Variants in PEAK1 observed in about 807,000 individuals in gnomAD.
PEAK1 encodes pseudopodium enriched atypical kinase 1, also known as inactive tyrosine-protein kinase PEAK1.
PEAK1 carries 54 observed loss-of-function variants against 124.7 expected under a neutral mutation model. The ratio of observed to expected loss-of-function variants is 0.43; its 90% CI spans 0.35 to 0.54. The LOEUF (loss-of-function observed/expected upper bound fraction) is 0.54, where lower values mean the gene tolerates loss of function less well. Among genes scored for constraint, PEAK1 ranks in the 20% least tolerant of loss-of-function variants. The pLI, the probability that PEAK1 is intolerant of heterozygous loss-of-function variation, is 0.01. For synonymous variants in PEAK1, 719 were observed against 760.0 expected (o/e 0.95, Z 0.89); for missense variants, 2,046 against 2,134.5 (o/e 0.96, Z 0.82).
chr15:77,419,302 A>G lies in PEAK1; in HGVS notation c.-666+704T>C, dbSNP rs145986165. 49 of 985,388 alleles carry G rather than the reference A, an allele frequency of 5.0e-5. No homozygotes were observed. In the East Asian group the frequency reaches 4.4e-3, roughly 89 times the overall value. The allele number at this position is 985,388 out of a possible 1,614,324, so 61.0% of individuals were successfully genotyped here. On this transcript the variant is annotated intron_variant, in intron 1 of 9. Coordinates refer to ENST00000682557, the MANE Select transcript of PEAK1 (RefSeq NM_001385026.1). ...TCCCAGACGGATGGTGCATGCGACGAGAGGGGAGGGGGCAGACGCGGTTCA... is the reference window on the plus strand; with the variant it reads ...TCCCAGACGGATGGTGCATGCGACGGGAGGGGAGGGGGCAGACGCGGTTCA...
chr15:77,261,710 C>CCCAATCTA (rs1395288732), intron 5 of PEAK1, among the ~76,000 whole-genome samples: 1 of 152,112 alleles, frequency 6.6e-6, no homozygotes, highest in Non-Finnish European at 1.5e-5. Context: ...GGAGAACTTC[C>CCCAATCTA]CCAATCTAGC....
intron 8 of PEAK1, among the ~76,000 whole-genome samples, chr15:77,140,308 T>TAAG (rs71143391): frequency 5.0e-5 from 1 of 19,864 alleles, no homozygotes; most frequent in African/African-American, 1.1e-4. Context: ...AACTAGAGAC[T>TAAG]GTCTTTTATG....
At chr15:77,107,374 C>CAACAT (rs886389530), downstream of PEAK1, 10 of 152,190 alleles carry the variant, frequency 6.6e-5, no homozygotes, top group Admixed American at 5.2e-4. Context: ...TGCTCCTCAG[C>CAACAT]AACATAAACC....
chr15:77,323,743 G>A (rs552505866), intron 2 of PEAK1, among the ~76,000 whole-genome samples: 11,762 of 151,924 alleles, frequency 0.077, 559 homozygotes, highest in Non-Finnish European at 0.1. Context: ...CATCCCCATC[G>A]AGCTACCAAT....
At position 77,120,861 on chromosome 15, in the gene PEAK1, C is replaced by A. The variant is rs117629392; in HGVS notation, c.4078-5542G>T. ...TATCTGCAGCCGGCCACCCACTCTA[C>A]CCTCCAGGTGTTCTCTCAGTTTGGG... On this transcript the variant is annotated intron_variant, in intron 9 of 9. Coordinates refer to ENST00000682557, the MANE Select transcript of PEAK1 (RefSeq NM_001385026.1). Among the ~76,000 whole-genome samples the A allele has an allele frequency of 6.8e-3, 1,031 of 152,242 alleles. 4 individuals are homozygous for A. The highest frequency in any genetic ancestry group is 0.011 in the Non-Finnish European group (715 of 68,018).
rs1216515494 is a variant in PEAK1, at chr15:77,399,724, CT to C, written c.-666+20281del. ...ACTATAAAACTACTACAAGGAAACACTGGGAAAACTCTCCAGGGCATTGGAC... is the reference window on the plus strand; with the variant it reads ...ACTATAAAACTACTACAAGGAAACACGGGAAAACTCTCCAGGGCATTGGAC... On this transcript the variant is annotated intron_variant, in intron 1 of 9. Transcript: ENST00000682557. Among the ~76,000 whole-genome samples the C allele has an allele frequency of 2.2e-4, 33 of 152,256 alleles. No homozygotes were observed. In the East Asian group the frequency reaches 2.3e-3, roughly 11 times the overall value.
intron 1 of PEAK1, chr15:77,402,411 C>A: frequency 1.0e-6 from 1 of 985,322 alleles, no homozygotes; most frequent in Non-Finnish European, 1.2e-6. Context: ...CAACATATCA[C>A]CCATTTATTT....
chr15:77,284,444 T>C (rs1295625759), intron 4 of PEAK1, among the ~76,000 whole-genome samples: 2 of 152,204 alleles, frequency 1.3e-5, no homozygotes, highest in Non-Finnish European at 2.9e-5. Context: ...TTAAGATACT[T>C]GTAGAGCACA....
Position 77,109,354 on chromosome 15 carries a change from ACTT to A in PEAK1, c.*4799_*4801del, listed in dbSNP as rs996771106. 15 of 152,254 alleles carry A rather than the reference ACTT, an allele frequency of 9.9e-5. No individual in the cohort carries two copies. Among genetic ancestry groups the A allele is most frequent in the Admixed American group, 2.6e-4 (4 of 15,286 alleles). The allele number at this position is 152,254 out of a possible 1,614,324, so 9.4% of individuals were successfully genotyped here. On this transcript the variant is annotated 3_prime_UTR_variant, in exon 10 of 10. Transcript: ENST00000682557. The stretch of plus-strand genomic sequence containing the variant: ...CATCATCTTCTAATATACAAAATGG[ACTT>A]CTTTTTAAAAAGGTGCTTTTCTGAG...
chr15:77,224,276 CT>C (rs2059530885), intron 6 of PEAK1, among the ~76,000 whole-genome samples: 1 of 151,792 alleles, frequency 6.6e-6, no homozygotes, highest in Middle Eastern at 3.4e-3. Flanking sequence ...ACAAAAAGGG[CT>C]GAAAAAAGGT....
At chr15:77,196,780 T>C (rs1567101418) in intron 6 of PEAK1, among the ~76,000 whole-genome samples, 1 of 152,072 alleles carries the variant, frequency 6.6e-6, no homozygotes, top group Non-Finnish European at 1.5e-5. Flanking sequence ...TAATAGAAAA[T>C]GTGATTTTTT....
intron 6 of PEAK1, chr15:77,205,125 G>T: frequency 3.7e-6 from 1 of 271,270 alleles, no homozygotes; most frequent in Non-Finnish European, 6.9e-6. Flanking sequence ...TCTTATCAGT[G>T]GTCACTATTT....
chr15:77,125,710 C>T (rs531161323), intron 9 of PEAK1, among the ~76,000 whole-genome samples: 2 of 152,326 alleles, frequency 1.3e-5, no homozygotes, highest in African/African-American at 4.8e-5. Flanking sequence ...AAATTCTTAG[C>T]CACTTTGTTA....
intron 7 of PEAK1, chr15:77,178,518 G>C: frequency 2.2e-6 from 1 of 458,704 alleles, no homozygotes; most frequent in South Asian, 5.6e-5. Context: ...AAGGTGTTAT[G>C]GATTTGCTTT....
chr15:77,388,217 A>C (rs2070127588), intron 1 of PEAK1, among the ~76,000 whole-genome samples: 2 of 152,194 alleles, frequency 1.3e-5, no homozygotes, highest in Admixed American at 6.5e-5. Context: ...CAACTTGAAA[A>C]GTATATGCAA....
At position 77,247,622 on chromosome 15, in the gene PEAK1, T is replaced by C. The variant is rs567268792; in HGVS notation, c.-115+4745A>G. Among the ~76,000 whole-genome samples the C allele has an allele frequency of 2.1e-4, 32 of 151,642 alleles. 1 individual carries two copies. The South Asian group carries it at 5.6e-3, about 27-fold the overall frequency. The stretch of plus-strand genomic sequence containing the variant: ...CCCAGAGTAGCTGGGATTACAGGTG[T>C]GTGCCACCGCACCTGGCTAATTTTT... On this transcript the variant is annotated intron_variant, in intron 6 of 9. Transcript: ENST00000682557.
At chr15:77,271,211 C>A (rs2062012374) in intron 5 of PEAK1, among the ~76,000 whole-genome samples, 1 of 152,144 alleles carries the variant, frequency 6.6e-6, no homozygotes, top group Non-Finnish European at 1.5e-5. Context: ...CAGAGAAACG[C>A]AAAACTAAAC....
At chr15:77,253,882 G>A (rs969741695) in intron 5 of PEAK1, among the ~76,000 whole-genome samples, 5 of 152,046 alleles carry the variant, frequency 3.3e-5, no homozygotes, top group African/African-American at 4.8e-5. Context: ...CAAGTGCCAC[G>A]ATATTGGCTC....
chr15:77,281,173 A>G (rs2062653168), intron 5 of PEAK1, among the ~76,000 whole-genome samples: 1 of 152,196 alleles, frequency 6.6e-6, no homozygotes, highest in African/African-American at 2.4e-5. Flanking sequence ...TCTCAAAAAA[A>G]AAGTCTATTT....
Sources: gnomAD v4.1 joint callset for allele counts (sites outside exome capture counted in the v4.1 genomes callset) on GRCh38, gnomAD v4.1.1 for gene constraint, MANE v1.5 for transcripts, NCBI Gene and HGNC (gene_info 2026-07-23, HGNC 2026-07-21) for gene names.